GRID1: variants seen among roughly 807,000 people sequenced by gnomAD.
The protein encoded by GRID1 is glutamate receptor ionotropic, delta-1.
A neutral mutation model predicts 98.0 loss-of-function variants in GRID1; 28 were observed. That is an observed-to-expected ratio of 0.29 (90% CI 0.21 to 0.39). The LOEUF is 0.39. GRID1 is among the 10% of genes least tolerant of loss of function. GRID1 has a pLI of 1.00. For synonymous variants in GRID1, 553 were observed against 538.5 expected (o/e 1.03, Z -0.37); for missense variants, 1,111 against 1,340.5 (o/e 0.83, Z 2.67).
intron 2 of GRID1, among the ~76,000 whole-genome samples, chr10:86,301,390 G>A (rs1215182678): frequency 1.3e-5 from 2 of 152,236 alleles, no homozygotes; most frequent in Non-Finnish European, 2.9e-5. Context: ...TGTGCTAATG[G>A]TGTGTGGCTA....
At chr10:86,045,396 A>G (rs1033961231) in intron 4 of GRID1, among the ~76,000 whole-genome samples, 28 of 152,312 alleles carry the variant, frequency 1.8e-4, no homozygotes, top group African/African-American at 5.1e-4. Context: ...TGGACATACA[A>G]TGTGTCGATC....
intron 5 of GRID1, among the ~76,000 whole-genome samples, chr10:85,876,593 T>A (rs1843334511): frequency 6.6e-6 from 1 of 152,204 alleles, no homozygotes; most frequent in African/African-American, 2.4e-5. Flanking sequence ...TTCAGCCCAC[T>A]GCATCCAGAT....
rs560806443 is a variant in GRID1, at chr10:86,290,211, A to G, written c.235+73730T>C. ...AATAAGTGGACTCAATTATAGATAA[A>G]TGAATAATTATCCTAAAACATGGAG... On this transcript the variant is annotated intron_variant, in intron 2 of 15. Transcript: ENST00000327946. 5.3e-5 allele frequency among the ~76,000 whole-genome samples: 8 copies of G among 152,366 alleles called. No individual in the cohort carries two copies. The East Asian group carries it at 1.3e-3, about 26-fold the overall frequency.
chr10:85,929,300 C>T (rs374327943), intron 4 of GRID1, among the ~76,000 whole-genome samples: 2 of 152,144 alleles, frequency 1.3e-5, no homozygotes, highest in East Asian at 3.9e-4. Flanking sequence ...GTTTAACTCA[C>T]TCCCCACGAG....
chr10:86,253,376 AG>A (rs1163662855), intron 2 of GRID1, among the ~76,000 whole-genome samples: 1 of 152,258 alleles, frequency 6.6e-6, no homozygotes, highest in Non-Finnish European at 1.5e-5. Context: ...GACAGAGATA[AG>A]AACGCTCTTC....
intron 3 of GRID1, among the ~76,000 whole-genome samples, chr10:86,176,497 C>T (rs1003415124): frequency 2.6e-5 from 4 of 152,230 alleles, no homozygotes; most frequent in Admixed American, 2.0e-4. Context: ...CCTGTGCATG[C>T]GCTGAGAGCT....
At chr10:86,143,277 A>G (rs1447181312) in intron 3 of GRID1, among the ~76,000 whole-genome samples, 1 of 152,164 alleles carries the variant, frequency 6.6e-6, no homozygotes, top group East Asian at 1.9e-4. Flanking sequence ...GCCCAAGCCC[A>G]TGCTGCAGCC....
chr10:86,237,832 A>T (rs113500533), intron 2 of GRID1, among the ~76,000 whole-genome samples: 1 of 152,080 alleles, frequency 6.6e-6, no homozygotes, highest in Non-Finnish European at 1.5e-5. Flanking sequence ...CTTCCTGTAC[A>T]GCCTGTGGAA....
chr10:85,615,017 G>C (rs1842772452), intron 14 of GRID1, among the ~76,000 whole-genome samples: 1 of 152,196 alleles, frequency 6.6e-6, no homozygotes, highest in South Asian at 2.1e-4. Context: ...TGTGTCGTTA[G>C]AGAGCAACAG....
chr10:86,309,731 C>G (rs1896526), intron 2 of GRID1, among the ~76,000 whole-genome samples: 128,643 of 152,206 alleles, frequency 0.85, 55,461 homozygotes, highest in East Asian at 0.98. Flanking sequence ...ATCTAAGGAA[C>G]GTCCAATAAG....
intron 4 of GRID1, among the ~76,000 whole-genome samples, chr10:85,955,066 G>C (rs77061601): frequency 0.011 from 1,702 of 152,280 alleles, 20 homozygotes; most frequent in South Asian, 0.036. Flanking sequence ...CCCAATGCTG[G>C]GTAGAGCAGG....
intron 12 of GRID1, among the ~76,000 whole-genome samples, chr10:85,713,662 G>A (rs528824223): frequency 2.8e-5 from 4 of 144,804 alleles, no homozygotes; most frequent in Admixed American, 2.7e-4. Context: ...CCATGATCAA[G>A]TGGAACTTAC....
intron 4 of GRID1, among the ~76,000 whole-genome samples, chr10:86,113,260 T>TA (rs1431895581): frequency 6.6e-6 from 1 of 152,158 alleles, no homozygotes; most frequent in African/African-American, 2.4e-5. Context: ...CTAGCCCACA[T>TA]AACCCCAGGT....
At position 86,249,708 on chromosome 10, in the gene GRID1, A is replaced by C. The variant is rs1029553141; in HGVS notation, c.236-43060T>G. ...CTGAAACTCCTCTCCCTCAACCATC[A>C]CTTTGCTAATGCTCAGATGGCCTTC... On this transcript the variant is annotated intron_variant, in intron 2 of 15. Transcript: ENST00000327946. 4.0e-5 allele frequency among the ~76,000 whole-genome samples: 6 copies of C among 151,656 alleles called. 1 individual carries two copies. In the South Asian group the frequency reaches 1.3e-3, roughly 32 times the overall value.
At chr10:85,647,973 GTC>G (rs767968122) in intron 12 of GRID1, 1 of 152,326 alleles carries the variant, frequency 6.6e-6, no homozygotes, top group Non-Finnish European at 1.5e-5. Context: ...CTGTGCTGGG[GTC>G]TAGCCAAGTA....
rs535643077 is a variant in GRID1 at position 86,157,790 on chromosome 10, G to A, written c.521-18766C>T. On this transcript the variant is annotated intron_variant, in intron 3 of 15. Coordinates refer to ENST00000327946, the MANE Select transcript of GRID1 (RefSeq NM_017551.3). ...TTATAAACGCAAGTTGACAGCCAAC[G>A]CAAGTTGAAAGCCAAGAGTCAGTGA... is the stretch of plus-strand genomic sequence containing the variant. Among the ~76,000 whole-genome samples the A allele has an allele frequency of 4.6e-5, 7 of 152,310 alleles. No individual in the cohort carries two copies. In the East Asian group the frequency reaches 1.2e-3, roughly 25 times the overall value.
intron 8 of GRID1, among the ~76,000 whole-genome samples, chr10:85,768,639 C>T (rs1842221574): frequency 6.6e-6 from 1 of 152,326 alleles, no homozygotes; most frequent in South Asian, 2.1e-4. Flanking sequence ...TGAAAAGATA[C>T]ACAGCCTCAT....
intron 2 of GRID1, among the ~76,000 whole-genome samples, chr10:86,231,541 C>T (rs887223079): frequency 1.3e-5 from 2 of 152,170 alleles, no homozygotes; most frequent in Admixed American, 6.5e-5. Flanking sequence ...TCTCTCTCTC[C>T]ACAAGTATTC....
chr10:85,969,128 A>G (rs763339934), intron 4 of GRID1, among the ~76,000 whole-genome samples: 4 of 152,242 alleles, frequency 2.6e-5, no homozygotes, highest in Non-Finnish European at 2.9e-5. Flanking sequence ...GTGTCCATCT[A>G]TTAGGAAGGT....
Sources: allele counts gnomAD v4.1 joint callset (sites outside exome capture counted in the v4.1 genomes callset), GRCh38; gene constraint gnomAD v4.1.1; transcripts MANE v1.5; gene names NCBI Gene and HGNC (gene_info 2026-07-23, HGNC 2026-07-21).